The following MCU variants were observed in gnomAD, a reference collection of about 807,000 sequenced individuals.
MCU encodes the protein calcium uniporter protein, mitochondrial.
Under a neutral mutation model 45.2 loss-of-function variants are expected in MCU, and 12 were observed. The ratio of observed to expected loss-of-function variants is 0.27; its 90% CI spans 0.17 to 0.43. The LOEUF is 0.43. Among genes scored for constraint, MCU ranks in the 20% least tolerant of loss-of-function variants. The probability of loss-of-function intolerance (pLI) is 1.00; values close to 1 mark genes in which losing one functional copy is unlikely to be tolerated. For synonymous variants in MCU, 160 were observed against 165.1 expected, an observed-to-expected ratio of 0.97 and a Z score of 0.24; for missense variants, 324 against 436.7, an observed-to-expected ratio of 0.74 and a Z score of 2.30.
chr10:72,874,113 A>T (rs1468683573), intron 6 of MCU, among the ~76,000 whole-genome samples: 2 of 151,948 alleles, frequency 1.3e-5, no homozygotes, highest in Non-Finnish European at 2.9e-5. Context: ...AGTTTTTAGA[A>T]TTTTTTTCCT....
intron 1 of MCU, among the ~76,000 whole-genome samples, chr10:72,822,093 T>C (rs1228145493): frequency 6.6e-6 from 1 of 152,074 alleles, no homozygotes; most frequent in Non-Finnish European, 1.5e-5. Flanking sequence ...CTGGCCAACA[T>C]GGTGAAACCC....
At chr10:72,724,634 T>C (rs1328788244) in intron 1 of MCU, among the ~76,000 whole-genome samples, 2 of 152,216 alleles carry the variant, frequency 1.3e-5, no homozygotes, top group East Asian at 3.8e-4. Context: ...CCTGTAAATG[T>C]TGCCAAGTAA....
chr10:72,822,954 T>G (rs1318761177), intron 1 of MCU, among the ~76,000 whole-genome samples: 2 of 152,236 alleles, frequency 1.3e-5, no homozygotes, highest in East Asian at 3.8e-4. Context: ...AATACTCGTA[T>G]GGCGATTCCT....
chr10:72,776,721 A>G (rs1030313384), intron 1 of MCU, among the ~76,000 whole-genome samples: 1 of 152,226 alleles, frequency 6.6e-6, no homozygotes, highest in African/African-American at 2.4e-5. Flanking sequence ...TGGCCAGAGC[A>G]ATTAAGCAAG....
At chr10:72,703,051 G>A (rs533153472) in intron 1 of MCU, among the ~76,000 whole-genome samples, 125 of 151,990 alleles carry the variant, frequency 8.2e-4, no homozygotes, top group African/African-American at 2.9e-3. Flanking sequence ...TCAGCATTCT[G>A]GGCAGCACCA....
At chr10:72,880,653 A>C (rs1175284551) in intron 6 of MCU, among the ~76,000 whole-genome samples, 3 of 152,210 alleles carry the variant, frequency 2.0e-5, no homozygotes, top group African/African-American at 4.8e-5. Context: ...AACGGTATGA[A>C]AATGTAAAAG....
intron 1 of MCU, among the ~76,000 whole-genome samples, chr10:72,802,954 G>A (rs925665125): frequency 3.8e-4 from 58 of 152,096 alleles, no homozygotes; most frequent in African/African-American, 1.4e-3. Flanking sequence ...ACATTAGATC[G>A]TGTACCAAAA....
At chr10:72,738,830 C>G (rs1399481893) in intron 1 of MCU, among the ~76,000 whole-genome samples, 1 of 152,156 alleles carries the variant, frequency 6.6e-6, no homozygotes, top group Non-Finnish European at 1.5e-5. Flanking sequence ...TTTTGCTGTG[C>G]TAGATTCCTG....
chr10:72,742,754 AG>A (rs1843353032), intron 1 of MCU, among the ~76,000 whole-genome samples: 1 of 152,154 alleles, frequency 6.6e-6, no homozygotes, highest in Admixed American at 6.5e-5. Context: ...GATAAATTGC[AG>A]GGATTGATTA....
chr10:72,844,147 G>A (rs932047710), intron 2 of MCU, among the ~76,000 whole-genome samples: 20 of 152,108 alleles, frequency 1.3e-4, no homozygotes, highest in African/African-American at 4.1e-4. Context: ...AGTACTTTGC[G>A]GGGCCAAGGC....
chr10:72,699,314 G>A lies in MCU; in HGVS notation c.150+7013G>A, dbSNP rs369119547. Among the ~76,000 whole-genome samples, 475 of 152,170 alleles carry A rather than the reference G, an allele frequency of 3.1e-3. 2 individuals carry two copies. Among genetic ancestry groups the A allele is most frequent in the African/African-American group, 0.011 (438 of 41,532 alleles). ...GAGGTCAGGAGTTCGAGACCAGCCTGACTAATATGGTGAAACCCCGTCTCT... is the reference window on the plus strand; with the variant it reads ...GAGGTCAGGAGTTCGAGACCAGCCTAACTAATATGGTGAAACCCCGTCTCT... On this transcript the variant is annotated intron_variant, in intron 1 of 7. Transcript: ENST00000373053.
intron 2 of MCU, among the ~76,000 whole-genome samples, chr10:72,841,518 A>G (rs1845047399): frequency 1.3e-5 from 2 of 152,122 alleles, no homozygotes; most frequent in East Asian, 3.9e-4. Flanking sequence ...GGCTGTTCTC[A>G]AACTCCTGAC....
rs551927837 is a variant in MCU, at chr10:72,806,284, A to T, written c.151-28075A>T. On this transcript the variant is annotated intron_variant, in intron 1 of 7. Transcript: ENST00000373053. ...GCAATTCTCCTGCCTCATCCTCCCA[A>T]GTAGCTGGGATTACAGGCATGCACC... is the stretch of plus-strand genomic sequence containing the variant. Among the ~76,000 whole-genome samples, 221 of 151,818 alleles carry T rather than the reference A, an allele frequency of 1.5e-3. 2 individuals are homozygous for T. Among genetic ancestry groups the T allele is most frequent in the African/African-American group, 4.9e-3 (202 of 41,352 alleles).
intron 2 of MCU, among the ~76,000 whole-genome samples, chr10:72,837,617 G>A (rs1033155499): frequency 6.6e-6 from 1 of 152,080 alleles, no homozygotes; most frequent in East Asian, 1.9e-4. Flanking sequence ...TCTAAAACAC[G>A]TGGTCTTAGA....
At position 72,693,197 on chromosome 10, in the gene MCU, T is replaced by TGA. The variant is rs1223696610; in HGVS notation, c.150+897_150+898insAG. On this transcript the variant is annotated intron_variant, in intron 1 of 7. Transcript: ENST00000373053. ...GAGTGTGTGTGTGTGTGTGTGTGTG[T>TGA]GTGAGAGAGAGAGAGACAGAGTGTG... 9.5e-5 allele frequency: 80 copies of TGA among 844,330 alleles called. No individual in the cohort carries two copies. In the South Asian group the frequency reaches 1.2e-3, roughly 13 times the overall value. 52.3% of individuals were successfully genotyped at this position (844,330 alleles called of 1,614,324 possible). A position where few individuals can be genotyped will look rare whatever the true frequency, so the allele number is the denominator to read the frequency against.
intron 1 of MCU, among the ~76,000 whole-genome samples, chr10:72,795,870 C>T (rs757218546): frequency 4.0e-5 from 6 of 151,802 alleles, no homozygotes; most frequent in East Asian, 1.9e-4. Context: ...TGGTGGCGGG[C>T]GCCTGTAATC....
At chr10:72,741,325 T>A (rs563338309) in intron 1 of MCU, among the ~76,000 whole-genome samples, 3 of 152,136 alleles carry the variant, frequency 2.0e-5, no homozygotes, top group Non-Finnish European at 4.4e-5. Context: ...GGTCTCAAAC[T>A]CCTGACCTCA....
At chr10:72,836,727 T>G (rs1349859065) in intron 2 of MCU, among the ~76,000 whole-genome samples, 1 of 152,184 alleles carries the variant, frequency 6.6e-6, no homozygotes. Context: ...GAAAACTAAT[T>G]CATATTAGTT....
chr10:72,735,911 C>G (rs11000405), intron 1 of MCU, among the ~76,000 whole-genome samples: 1 of 152,072 alleles, frequency 6.6e-6, no homozygotes, highest in African/African-American at 2.4e-5. Context: ...GTGGTTGTCT[C>G]TAGGGGATGG....
Sources: gnomAD v4.1 joint callset for allele counts (sites outside exome capture counted in the v4.1 genomes callset) on GRCh38, gnomAD v4.1.1 for gene constraint, MANE v1.5 for transcripts, NCBI Gene and HGNC (gene_info 2026-07-23, HGNC 2026-07-21) for gene names.